The following LRBA variants were observed in gnomAD, a reference collection of about 807,000 sequenced individuals.
LRBA encodes LPS responsive beige-like anchor protein, also known as lipopolysaccharide-responsive and beige-like anchor protein.
LRBA carries 176 observed loss-of-function variants against 330.0 expected under a neutral mutation model. The ratio of observed to expected loss-of-function variants is 0.53; its 90% CI spans 0.47 to 0.60. LRBA has a LOEUF of 0.60. Among genes scored for constraint, LRBA ranks in the 20% least tolerant of loss-of-function variants. The pLI is 0.00. For synonymous variants in LRBA, 1,230 were observed against 1,193.0 expected (o/e 1.03, Z -0.64); for missense variants, 3,259 against 3,444.8 (o/e 0.95, Z 1.35).
intron 29 of LRBA, 83 bp from the exon 30 acceptor site, chr4:150,828,704 T>C: frequency 8.5e-7 from 1 of 1,169,962 alleles, no homozygotes; most frequent in Non-Finnish European, 1.2e-6. Context: ...TTTTAATAGC[T>C]ATCTACTGTT....
Position 150,532,800 on chromosome 4 carries a change from T to A in LRBA, c.6331-41765A>T, listed in dbSNP as rs149346222. 1.8e-3 allele frequency among the ~76,000 whole-genome samples: 271 copies of A among 151,496 alleles called. 1 individual carries two copies. Among genetic ancestry groups the A allele is most frequent in the Non-Finnish European group, 2.8e-3 (191 of 67,778 alleles). ...AATTTAATATGTAATTAGACTAGAG[T>A]TTTCAAAAGAAAAAAGAAAAAATGA... On this transcript the variant is annotated intron_variant, in intron 40 of 56. Transcript: ENST00000651943.
intron 37 of LRBA, among the ~76,000 whole-genome samples, chr4:150,630,035 C>G (rs994420714): frequency 6.6e-6 from 1 of 152,140 alleles, no homozygotes; most frequent in Non-Finnish European, 1.5e-5. Flanking sequence ...AATTCCACCC[C>G]CATCATGTTG....
chr4:150,381,681 G>T (rs1742287411), intron 47 of LRBA, among the ~76,000 whole-genome samples: 1 of 151,484 alleles, frequency 6.6e-6, no homozygotes, highest in South Asian at 2.1e-4. Flanking sequence ...GTTTTTGTAT[G>T]GATATGTTTC....
chr4:150,866,173 C>T (rs1024542355), intron 22 of LRBA, among the ~76,000 whole-genome samples: 5 of 152,122 alleles, frequency 3.3e-5, no homozygotes, highest in Non-Finnish European at 7.3e-5. Context: ...TATAATTATA[C>T]AGTATTCCTT....
chr4:150,271,526 G>C (rs1464780985), intron 56 of LRBA, among the ~76,000 whole-genome samples: 3 of 114,370 alleles, frequency 2.6e-5, no homozygotes, highest in South Asian at 5.3e-4. Flanking sequence ...CAAGCTTGGT[G>C]GGGGGAGGAG....
At chr4:150,994,152 A>G (rs910384582) in intron 2 of LRBA, among the ~76,000 whole-genome samples, 4 of 152,036 alleles carry the variant, frequency 2.6e-5, no homozygotes, top group Admixed American at 2.0e-4. Context: ...GCTAAACAAT[A>G]CTAGGGTATT....
intron 34 of LRBA, among the ~76,000 whole-genome samples, chr4:150,775,493 ACACACAC>A (rs771464695): frequency 0.5 from 42,452 of 85,256 alleles, 7,482 homozygotes; most frequent in East Asian, 0.59. Context: ...ACACACACAC[ACACACAC>A]ACAGTGATTG....
At chr4:150,320,549 G>A (rs529858966) in intron 50 of LRBA, among the ~76,000 whole-genome samples, 18 of 152,220 alleles carry the variant, frequency 1.2e-4, no homozygotes, top group Non-Finnish European at 1.9e-4. Flanking sequence ...GCTCATGCCT[G>A]TAATCCCAAC....
At chr4:150,662,592 T>C (rs753589831) in intron 37 of LRBA, among the ~76,000 whole-genome samples, 1 of 152,162 alleles carries the variant, frequency 6.6e-6, no homozygotes, top group African/African-American at 2.4e-5. Flanking sequence ...GTGAAGAAGT[T>C]TGAAAGAAGT....
At chr4:150,685,734 C>T (rs970858800) in intron 36 of LRBA, among the ~76,000 whole-genome samples, 1 of 151,656 alleles carries the variant, frequency 6.6e-6, no homozygotes, top group East Asian at 1.9e-4. Context: ...CGCGCCTGGC[C>T]AAGAATCAAA....
chr4:150,925,944 G>A (rs1160535391), intron 4 of LRBA, among the ~76,000 whole-genome samples: 1 of 152,136 alleles, frequency 6.6e-6, no homozygotes, highest in African/African-American at 2.4e-5. Context: ...CAGTATGCAG[G>A]AAGAGGTAGC....
chr4:150,628,241 C>T (rs1229505047), intron 37 of LRBA, among the ~76,000 whole-genome samples: 1 of 152,126 alleles, frequency 6.6e-6, no homozygotes, highest in African/African-American at 2.4e-5. Flanking sequence ...GATAGCACTC[C>T]TATTTCAATG....
intron 47 of LRBA, among the ~76,000 whole-genome samples, chr4:150,375,500 T>C (rs4374604): frequency 0.86 from 130,162 of 151,662 alleles, 56,911 homozygotes; most frequent in Non-Finnish European, 0.95. Context: ...CTATGTCACC[T>C]AGGCTGGAAT....
At chr4:150,385,358 G>C (rs2151897024) in intron 47 of LRBA, among the ~76,000 whole-genome samples, 1 of 152,170 alleles carries the variant, frequency 6.6e-6, no homozygotes, top group South Asian at 2.1e-4. Context: ...GGGGCGAATA[G>C]ACCAGTCATA....
rs760759894 is a variant in LRBA at position 150,908,291 on chromosome 4, T to G, written c.1493+43A>C. The G allele has an allele frequency of 3.8e-6, 6 of 1,586,018 alleles. No homozygotes were observed. In the South Asian group the frequency reaches 4.7e-5, roughly 12 times the overall value. On this transcript the variant is annotated intron_variant, in intron 11 of 56. Coordinates refer to ENST00000651943, the MANE Select transcript of LRBA (RefSeq NM_001364905.1). ...ATTGTATAGCTCAACAGTGATGAAA[T>G]TAACCCTCACAGCCAATTAAAGAAA... is the stretch of plus-strand genomic sequence containing the variant.
intron 34 of LRBA, among the ~76,000 whole-genome samples, chr4:150,787,219 CAAA>C (rs1303754787): frequency 8.7e-6 from 1 of 115,398 alleles, no homozygotes. Flanking sequence ...GACTCCATCT[CAAA>C]AAAAAAAAAA....
chr4:150,718,634 A>G (rs1269022627), intron 36 of LRBA, among the ~76,000 whole-genome samples: 3 of 152,148 alleles, frequency 2.0e-5, no homozygotes, highest in Non-Finnish European at 4.4e-5. Flanking sequence ...AGATGAACAA[A>G]TATATTTTCT....
At chr4:150,892,409 C>T (rs567055931) in intron 17 of LRBA, among the ~76,000 whole-genome samples, 11 of 152,196 alleles carry the variant, frequency 7.2e-5, no homozygotes, top group African/African-American at 1.4e-4. Context: ...ATAGGAGTAA[C>T]GTCATTGTAA....
intron 56 of LRBA, among the ~76,000 whole-genome samples, chr4:150,272,534 T>C (rs1424296101): frequency 1.3e-5 from 2 of 151,884 alleles, no homozygotes; most frequent in Admixed American, 1.3e-4. Context: ...AGGATCACGT[T>C]CTAATCCAAT....
Sources: allele counts gnomAD v4.1 joint callset (sites outside exome capture counted in the v4.1 genomes callset), GRCh38; gene constraint gnomAD v4.1.1; transcripts MANE v1.5; gene names NCBI Gene and HGNC (gene_info 2026-07-23, HGNC 2026-07-21).